Variants in RIN3 observed in about 807,000 individuals in gnomAD.
RIN3 encodes Ras and Rab interactor 3.
Under a neutral mutation model 76.3 loss-of-function variants are expected in RIN3, and 54 were observed. The observed-to-expected ratio is 0.71, with a 90% CI of 0.57 to 0.89. The LOEUF is 0.89. Among genes scored for constraint, RIN3 ranks in the 40% least tolerant of loss-of-function variants. RIN3 has a pLI of 0.00. For missense variants in RIN3, 1,256 were observed against 1,322.1 expected, an observed-to-expected ratio of 0.95 and a Z score of 0.78; for synonymous variants, 576 against 564.0, an observed-to-expected ratio of 1.02 and a Z score of -0.30.
chr14:92,535,608 T>A (rs1896979030), intron 1 of RIN3, among the ~76,000 whole-genome samples: 2 of 151,788 alleles, frequency 1.3e-5, no homozygotes, highest in Non-Finnish European at 2.9e-5. Context: ...TACTTTCTTC[T>A]AGAAGCTTTT....
intron 2 of RIN3, among the ~76,000 whole-genome samples, chr14:92,573,056 A>G (rs1055869172): frequency 6.6e-6 from 1 of 151,476 alleles, no homozygotes; most frequent in African/African-American, 2.4e-5. Flanking sequence ...TAATTTTTGT[A>G]TTGTTAGTAG....
intron 6 of RIN3, among the ~76,000 whole-genome samples, chr14:92,655,323 G>C (rs1887627280): frequency 6.6e-6 from 1 of 152,236 alleles, no homozygotes; most frequent in African/African-American, 2.4e-5. Flanking sequence ...ACTCCAGCCT[G>C]GGCAACAGAG....
At position 92,688,408 on chromosome 14, in the gene RIN3, A is replaced by C; in HGVS notation, c.*156A>C. ...GCAGGACAGTTGTGAAAATAACATG[A>C]CGCTCGTCCAAGGCCACTTCCTGAG... is the stretch of plus-strand genomic sequence containing the variant. On this transcript the variant is annotated 3_prime_UTR_variant, in exon 10 of 10. Coordinates refer to ENST00000216487, the MANE Select transcript of RIN3 (RefSeq NM_024832.5). 1.4e-6 allele frequency: 1 copy of C among 706,828 alleles called. No homozygotes were observed. The highest frequency in any genetic ancestry group is 2.3e-6 in the Non-Finnish European group (1 of 440,938). The allele number at this position is 706,828 out of a possible 1,614,324, so 43.8% of individuals were successfully genotyped here.
rs560610694 is a variant in RIN3 at position 92,553,801 on chromosome 14, G to A, written c.45-1950G>A. Reference sequence around the variant, plus strand: ...ACAGGCAGTCCCAGTCAGTTCTCTCGAAAACCACTGCTCAAAATTCACAAC... The same window carrying A: ...ACAGGCAGTCCCAGTCAGTTCTCTCAAAAACCACTGCTCAAAATTCACAAC... On this transcript the variant is annotated intron_variant, in intron 1 of 9. Transcript: ENST00000216487. Among the ~76,000 whole-genome samples the A allele has an allele frequency of 3.7e-4, 57 of 152,084 alleles. No individual in the cohort carries two copies. In the South Asian group the frequency reaches 6.3e-3, roughly 17 times the overall value.
intron 2 of RIN3, among the ~76,000 whole-genome samples, chr14:92,557,775 C>T (rs1238439804): frequency 6.6e-6 from 1 of 152,214 alleles, no homozygotes; most frequent in Non-Finnish European, 1.5e-5. Flanking sequence ...AGCCAGCACC[C>T]TCTGTGGTCC....
At chr14:92,677,229 T>C (rs2140170567) in intron 8 of RIN3, among the ~76,000 whole-genome samples, 1 of 152,310 alleles carries the variant, frequency 6.6e-6, no homozygotes, top group Admixed American at 6.5e-5. Context: ...GTCCACCCCA[T>C]GCTCAGTTTC....
intron 1 of RIN3, among the ~76,000 whole-genome samples, chr14:92,519,124 A>G (rs911580429): frequency 6.6e-6 from 1 of 152,120 alleles, no homozygotes; most frequent in African/African-American, 2.4e-5. Context: ...TCCTAGAGTA[A>G]TAGCATTCAG....
intron 3 of RIN3, among the ~76,000 whole-genome samples, chr14:92,596,244 C>T (rs1475369217): frequency 6.6e-6 from 1 of 152,218 alleles, no homozygotes; most frequent in Non-Finnish European, 1.5e-5. Context: ...AGACCAATTC[C>T]CCAATAACTA....
intron 1 of RIN3, among the ~76,000 whole-genome samples, chr14:92,531,925 CTCTTA>C (rs1896891250): frequency 6.6e-6 from 1 of 151,152 alleles, no homozygotes; most frequent in Non-Finnish European, 1.5e-5. Flanking sequence ...AGTCTCCCAT[CTCTTA>C]TCTTTTTTTT....
intron 4 of RIN3, among the ~76,000 whole-genome samples, chr14:92,633,363 A>T (rs1886658806): frequency 6.6e-6 from 1 of 152,144 alleles, no homozygotes; most frequent in Non-Finnish European, 1.5e-5. Flanking sequence ...GAAGGAAGAG[A>T]AGAGCCTCTC....
rs148868466 is a variant in RIN3 at position 92,652,225 on chromosome 14, C to G, written c.1176C>G (p.Ser392=). 4.4e-6 allele frequency: 7 copies of G among 1,608,698 alleles called. No individual in the cohort carries two copies. The highest frequency in any genetic ancestry group is 2.5e-6 in the Non-Finnish European group (3 of 1,176,714). Reference sequence around the variant, plus strand: ...CTGCCCCTCCCAGACGCCGCGTTTCCGAGAGGGTGTCCTTAGAAGACCAAA... The same window carrying G: ...CTGCCCCTCCCAGACGCCGCGTTTCGGAGAGGGTGTCCTTAGAAGACCAAA... ...LPTAPPRRRV[S]ERVSLEDQSP... Residue 392 remains serine, a synonymous_variant, in exon 6 of 10, where the codon TCC becomes TCG. Transcript: ENST00000216487. This position sits in a 1 kb window ranked among gnomAD's most constrained non-coding sequence, Gnocchi z 6.4.
At chr14:92,659,505 C>T in intron 7 of RIN3, 36 bp downstream of exon 7, 2 of 1,552,454 alleles carry the variant, frequency 1.3e-6, no homozygotes, top group Non-Finnish European at 1.7e-6. Flanking sequence ...GGGTGAGGAG[C>T]TCTCTTTGTA....
chr14:92,545,074 C>T (rs1199583284), intron 1 of RIN3, among the ~76,000 whole-genome samples: 3 of 133,718 alleles, frequency 2.2e-5, no homozygotes, highest in African/African-American at 8.3e-5. Flanking sequence ...TGTTTGATTG[C>T]TTTTTAAAAC....
intron 2 of RIN3, among the ~76,000 whole-genome samples, chr14:92,559,360 G>A (rs1272569795): frequency 6.6e-6 from 1 of 152,220 alleles, no homozygotes; most frequent in African/African-American, 2.4e-5. Flanking sequence ...AGCTAGTGAG[G>A]TACAGGGCTG....
chr14:92,608,880 A>C (rs911621433), intron 3 of RIN3, among the ~76,000 whole-genome samples: 3 of 152,274 alleles, frequency 2.0e-5, no homozygotes, highest in Middle Eastern at 3.4e-3. Flanking sequence ...TATACAAAAA[A>C]CTTGCATTTA....
intron 2 of RIN3, among the ~76,000 whole-genome samples, chr14:92,556,495 C>T (rs1315246609): frequency 6.6e-6 from 1 of 152,162 alleles, no homozygotes; most frequent in Non-Finnish European, 1.5e-5. Flanking sequence ...GGGGCATTCA[C>T]ACCACCCCCG....
At chr14:92,569,902 C>T (rs899187231) in intron 2 of RIN3, among the ~76,000 whole-genome samples, 1 of 152,202 alleles carries the variant, frequency 6.6e-6, no homozygotes, top group Non-Finnish European at 1.5e-5. Context: ...TCTACCCTTA[C>T]TATAGGCAAG....
chr14:92,630,209 G>A (rs775035845), intron 4 of RIN3, among the ~76,000 whole-genome samples: 5 of 152,172 alleles, frequency 3.3e-5, no homozygotes, highest in East Asian at 3.8e-4. Context: ...AGACAGCACC[G>A]ACCCAGCGCA....
At chr14:92,598,921 T>C (rs1016163137) in intron 3 of RIN3, among the ~76,000 whole-genome samples, 1 of 152,066 alleles carries the variant, frequency 6.6e-6, no homozygotes, top group African/African-American at 2.4e-5. Context: ...GTAACAACTC[T>C]GAGGGGTGAG....
Sources: gnomAD v4.1 joint callset for allele counts (sites outside exome capture counted in the v4.1 genomes callset) on GRCh38, gnomAD v4.1.1 for gene constraint, Gnocchi (gnomAD v3.1) non-coding constraint, MANE v1.5 for transcripts, NCBI Gene and HGNC (gene_info 2026-07-23, HGNC 2026-07-21) for gene names.